GCGR: variants seen among roughly 807,000 people sequenced by gnomAD.
The protein encoded by GCGR is glucagon receptor.
In GCGR, 41 loss-of-function variants were observed where a neutral mutation model predicts 56.1. That is an observed-to-expected ratio of 0.73 (90% confidence interval 0.57 to 0.95). The LOEUF is 0.95. Ranked by LOEUF, GCGR falls within the 40% of genes least tolerant of loss-of-function variation. The pLI, the probability that GCGR is intolerant of heterozygous loss-of-function variation, is 0.00. For synonymous variants in GCGR, 278 were observed against 271.1 expected (o/e 1.03, Z -0.25); for missense variants, 595 against 638.2 (o/e 0.93, Z 0.73).
intron 1 of GCGR, among the ~76,000 whole-genome samples, chr17:81,805,442 G>A (rs910293298): frequency 1.3e-5 from 2 of 152,194 alleles, no homozygotes; most frequent in Non-Finnish European, 2.9e-5. Context: ...GAGGGAGGAA[G>A]GGGGTGGCAT....
Position 81,810,023 on chromosome 17 carries a change from C to A in GCGR, c.163+139C>A. The A allele has an allele frequency of 1.4e-6, 1 of 721,946 alleles. No individual in the cohort carries two copies. The highest frequency in any genetic ancestry group is 2.5e-6 in the Non-Finnish European group (1 of 405,258). The allele number at this position is 721,946 out of a possible 1,614,324, so 44.7% of individuals were successfully genotyped here. A position where few individuals can be genotyped will look rare whatever the true frequency, so the allele number is the denominator to read the frequency against. ...GCCCTGTCATTCCTCAGGCCCCCAC[C>A]ACCGTGGGCAGGTGAGGTAACGAGG... On this transcript the variant is annotated intron_variant, in intron 3 of 13. Transcript: ENST00000400723. This position sits in a 1 kb window ranked among gnomAD's most constrained non-coding sequence, Gnocchi z 4.6.
chr17:81,813,470 C>T lies in GCGR; in HGVS notation c.1219-4C>T. ...GGACTGGCCTGCCCCGTCCCCCTCC[C>T]CAGGTGCAGTCGGAGCTGCGGCGGC... On this transcript the variant is annotated splice_region_variant and splice_polypyrimidine_tract_variant and intron_variant, in intron 13 of 13. Coordinates refer to ENST00000400723, the MANE Select transcript of GCGR (RefSeq NM_000160.5). The surrounding 1 kb of genome is among the most constrained non-coding windows in gnomAD (Gnocchi z 5.3). The T allele has an allele frequency of 6.5e-7, 1 of 1,534,526 alleles. No homozygotes were observed. Among genetic ancestry groups the T allele is most frequent in the East Asian group, 2.4e-5 (1 of 40,904 alleles).
chr17:81,810,023 C>T lies in GCGR; in HGVS notation c.163+139C>T, dbSNP rs574040622. On this transcript the variant is annotated intron_variant, in intron 3 of 13. Coordinates refer to ENST00000400723, the MANE Select transcript of GCGR (RefSeq NM_000160.5). This position sits in a 1 kb window ranked among gnomAD's most constrained non-coding sequence, Gnocchi z 4.6. ...GCCCTGTCATTCCTCAGGCCCCCACCACCGTGGGCAGGTGAGGTAACGAGG... is the reference window on the plus strand; with the variant it reads ...GCCCTGTCATTCCTCAGGCCCCCACTACCGTGGGCAGGTGAGGTAACGAGG... 5.5e-6 allele frequency: 4 copies of T among 721,828 alleles called. No homozygotes were observed. The highest frequency in any genetic ancestry group is 9.9e-6 in the Non-Finnish European group (4 of 405,266). The allele number at this position is 721,828 out of a possible 1,614,324, so 44.7% of individuals were successfully genotyped here.
Position 81,808,896 on chromosome 17 carries a change from G to T in GCGR, c.-123G>T, listed in dbSNP as rs1339977256. ...GGGAGGACACCCCACTGGCCAGGACGCCCCAGGCTCTGCTGCTCTGCCACT... is the reference window on the plus strand; with the variant it reads ...GGGAGGACACCCCACTGGCCAGGACTCCCCAGGCTCTGCTGCTCTGCCACT... On this transcript the variant is annotated 5_prime_UTR_variant, in exon 2 of 14. Coordinates refer to ENST00000400723, the MANE Select transcript of GCGR (RefSeq NM_000160.5). 1 of 1,211,216 alleles carries T rather than the reference G, an allele frequency of 8.3e-7. No individual in the cohort carries two copies. The highest frequency in any genetic ancestry group is 1.3e-5 in the South Asian group (1 of 76,804). The allele number at this position is 1,211,216 out of a possible 1,614,324, so 75.0% of individuals were successfully genotyped here.
rs1049700509 is a variant in GCGR at position 81,812,587 on chromosome 17, T to C, written c.959T>C (p.Phe320Ser). 23 of 1,536,356 alleles carry C rather than the reference T, an allele frequency of 1.5e-5. No individual in the cohort carries two copies. The highest frequency in any genetic ancestry group is 1.9e-5 in the Non-Finnish European group (22 of 1,146,744). Residue 320 changes from phenylalanine to serine, a missense_variant, in exon 11 of 14, where the codon TTC (phenylalanine) becomes TCC (serine). Physicochemically the swap from Phe to Ser is radical, Grantham distance 155 (BLOSUM62 -2). Transcript: ENST00000400723. The surrounding 1 kb of genome is among the most constrained non-coding windows in gnomAD (Gnocchi z 8.5). ...ACCCTTCTCACACAGATCAACTTCT[T>C]CATCTTCGTCCGCATCGTTCAGCTG... ...PVFLAILINF[F>S]IFVRIVQLLV...
chr17:81,809,526 TCTGCCTGTCTGC>T (rs1338775935), intron 2 of GCGR, among the ~76,000 whole-genome samples: 89 of 139,008 alleles, frequency 6.4e-4, no homozygotes, highest in Non-Finnish European at 1.2e-3. Flanking sequence ...TGCCTGCCTG[TCTGCCTGTCTGC>T]CCGTCTGCCT....
At chr17:81,808,565 G>A (rs2038008563) in intron 1 of GCGR, among the ~76,000 whole-genome samples, 1 of 149,736 alleles carries the variant, frequency 6.7e-6, no homozygotes, top group Non-Finnish European at 1.5e-5. Context: ...TGTCACCCAG[G>A]CTGGACTGCA....
intron 1 of GCGR, among the ~76,000 whole-genome samples, chr17:81,805,624 T>C (rs529000914): frequency 1.4e-5 from 2 of 140,478 alleles, no homozygotes; most frequent in African/African-American, 2.7e-5. Flanking sequence ...AACCCTCCCA[T>C]TGGGCACCTC....
intron 2 of GCGR, 25 bp from the exon 3 acceptor site, chr17:81,809,757 G>GTCT (rs757711248): frequency 3.3e-6 from 5 of 1,516,692 alleles, no homozygotes; most frequent in Non-Finnish European, 4.4e-6. Flanking sequence ...CTGTCTGTCT[G>GTCT]GTTGCTTGTG....
Position 81,812,806 on chromosome 17 carries a change from G to A in GCGR, c.1038-1G>A. The A allele has an allele frequency of 6.5e-7, 1 of 1,535,688 alleles. No individual in the cohort carries two copies. Among genetic ancestry groups the A allele is most frequent in the Non-Finnish European group, 8.7e-7 (1 of 1,146,736 alleles). Reference sequence around the variant, plus strand: ...GGGTGACTCAGGCGCTGCCTCTGCAGGCTGGCCAAGTCCACGCTGACCCTC... The same window carrying A: ...GGGTGACTCAGGCGCTGCCTCTGCAAGCTGGCCAAGTCCACGCTGACCCTC... On this transcript the variant is annotated splice_acceptor_variant, in intron 11 of 13. Coordinates refer to ENST00000400723, the MANE Select transcript of GCGR (RefSeq NM_000160.5). LOFTEE classifies it high-confidence loss of function. The surrounding 1 kb of genome is among the most constrained non-coding windows in gnomAD (Gnocchi z 8.5).
chr17:81,811,414 T>C lies in GCGR; in HGVS notation c.511T>C (p.Cys171Arg). ...TGGCTGTGCCCACAGCAAGCTGCAC[T>C]GCACCCGCAATGCCATCCACGCGAA... is the stretch of plus-strand genomic sequence containing the variant. ...AILGGLSKLH[C>R]TRNAIHANLF... is the part of the protein sequence containing the mutation. Residue 171 changes from cysteine (C) to arginine (R), a missense_variant, in exon 7 of 14, where the codon TGC (cysteine) becomes CGC (arginine). Physicochemically the swap from Cys to Arg is radical, Grantham distance 180 (BLOSUM62 -3). Transcript: ENST00000400723. The surrounding 1 kb of genome is among the most constrained non-coding windows in gnomAD (Gnocchi z 5.8). 1 of 1,536,430 alleles carries C rather than the reference T, an allele frequency of 6.5e-7. No homozygotes were observed. Among genetic ancestry groups the C allele is most frequent in the Non-Finnish European group, 8.7e-7 (1 of 1,146,852 alleles).
Position 81,812,205 on chromosome 17 carries a change from A to G in GCGR, c.901A>G (p.Met301Val), listed in dbSNP as rs976661354. ...NVQCWTSNDN[M>V]GFWWILRFPV... Reference sequence around the variant, plus strand: ...CAGGTGCTGGACCAGCAATGACAACATGGGCTTCTGGTGGATCCTGCGGTT... The same window carrying G: ...CAGGTGCTGGACCAGCAATGACAACGTGGGCTTCTGGTGGATCCTGCGGTT... The change falls in exon 10 of 14, where the codon ATG becomes GTG. Residue 301 changes from methionine (M) to valine (V), a missense_variant. Physicochemically the swap from Met to Val is conservative, Grantham distance 21 (BLOSUM62 1). Transcript: ENST00000400723. The surrounding 1 kb of genome is among the most constrained non-coding windows in gnomAD (Gnocchi z 8.5). 1.2e-5 allele frequency: 19 copies of G among 1,536,036 alleles called. No individual in the cohort carries two copies. Among genetic ancestry groups the G allele is most frequent in the Non-Finnish European group, 1.7e-5 (19 of 1,146,780 alleles).
chr17:81,808,938 A>G lies in GCGR; in HGVS notation c.-81A>G. The G allele has an allele frequency of 1.3e-6, 2 of 1,495,732 alleles. No individual in the cohort carries two copies. Among genetic ancestry groups the G allele is most frequent in the Non-Finnish European group, 1.8e-6 (2 of 1,111,472 alleles). The allele number at this position is 1,495,732 out of a possible 1,614,324, so 92.7% of individuals were successfully genotyped here. A position where few individuals can be genotyped will look rare whatever the true frequency, so the allele number is the denominator to read the frequency against. ...TCTGCCACTCAGCTGCCCTCGGAGG[A>G]GCGTACACACCCACCAGGACTGCAT... On this transcript the variant is annotated 5_prime_UTR_variant, in exon 2 of 14. Coordinates refer to ENST00000400723, the MANE Select transcript of GCGR (RefSeq NM_000160.5).
In GCGR at chr17:81,809,087, TCA is replaced by T. The variant is rs1469743890; in HGVS notation, c.60+12_60+13del. 1 of 1,535,664 alleles carries T rather than the reference TCA, an allele frequency of 6.5e-7. No individual in the cohort carries two copies. The highest frequency in any genetic ancestry group is 1.2e-5 in the South Asian group (1 of 83,952). ...TGCTGCTGGCCTGCCAGGTGAGGAC[TCA>T]CAGCACCCTCAGCACCCAGGGGCCC... On this transcript the variant is annotated intron_variant, in intron 2 of 13. Coordinates refer to ENST00000400723, the MANE Select transcript of GCGR (RefSeq NM_000160.5).
chr17:81,810,790 T>G lies in GCGR; in HGVS notation c.164-35T>G. The G allele has an allele frequency of 8.1e-7, 1 of 1,230,432 alleles. No individual in the cohort carries two copies. The highest frequency in any genetic ancestry group is 1.1e-6 in the Non-Finnish European group (1 of 892,018). 76.2% of individuals were successfully genotyped at this position (1,230,432 alleles called of 1,614,324 possible). On this transcript the variant is annotated intron_variant, in intron 3 of 13. Transcript: ENST00000400723. The surrounding 1 kb of genome is among the most constrained non-coding windows in gnomAD (Gnocchi z 4.6). ...GGGAGCCCCTTCTCCCACCCTGCCC[T>G]GCCCTGCTCTGCCCTGCCCTACCCT... is the stretch of plus-strand genomic sequence containing the variant.
At position 81,811,434 on chromosome 17, in the gene GCGR, C is replaced by G; in HGVS notation, c.531C>G (p.His177Gln). The change falls in exon 7 of 14, where the codon CAC (histidine) becomes CAG (glutamine). Residue 177 changes from histidine to glutamine, a missense_variant. Physicochemically the swap from His to Gln is conservative, Grantham distance 24. Coordinates refer to ENST00000400723, the MANE Select transcript of GCGR (RefSeq NM_000160.5). This position sits in a 1 kb window ranked among gnomAD's most constrained non-coding sequence, Gnocchi z 5.8. ...TGCACTGCACCCGCAATGCCATCCA[C>G]GCGAATCTGTTTGCGTCCTTCGTGC... ...SKLHCTRNAI[H>Q]ANLFASFVLK... The G allele has an allele frequency of 6.5e-7, 1 of 1,536,578 alleles. No individual in the cohort carries two copies. Among genetic ancestry groups the G allele is most frequent in the South Asian group, 1.2e-5 (1 of 84,070 alleles).
intron 2 of GCGR, 56 bp from the exon 3 acceptor site, chr17:81,809,726 T>TCTGCCTGC: frequency 1.5e-6 from 2 of 1,300,270 alleles, no homozygotes; most frequent in Admixed American, 2.0e-5. Flanking sequence ...TGTCTGCCTG[T>TCTGCCTGC]CTGTCTGCCT....
rs2038113396 is a variant in GCGR at position 81,812,066 on chromosome 17, C to A, written c.879-117C>A. The A allele has an allele frequency of 4.6e-6, 7 of 1,506,922 alleles. No homozygotes were observed. In the South Asian group the frequency reaches 8.4e-5, roughly 18 times the overall value. 93.3% of individuals were successfully genotyped at this position (1,506,922 alleles called of 1,614,324 possible). On this transcript the variant is annotated intron_variant, in intron 9 of 13. Transcript: ENST00000400723. The surrounding 1 kb of genome is among the most constrained non-coding windows in gnomAD (Gnocchi z 8.5). ...TGCCTGGGGAGGGGGTCATTTGTGA[C>A]CTTCTCCCTTCCTTTTCTGAGACCC...
chr17:81,812,492 C>A lies in GCGR; in HGVS notation c.949-85C>A. On this transcript the variant is annotated intron_variant, in intron 10 of 13. Transcript: ENST00000400723. The surrounding 1 kb of genome is among the most constrained non-coding windows in gnomAD (Gnocchi z 8.5). The stretch of plus-strand genomic sequence containing the variant: ...CCTATCTTGCTGCCAGGCCCACCTG[C>A]AGGAGGGTCAGGTGGGGCCTTCCAA... 7.6e-7 allele frequency: 1 copy of A among 1,319,502 alleles called. No homozygotes were observed. Among genetic ancestry groups the A allele is most frequent in the South Asian group, 1.3e-5 (1 of 74,580 alleles). 81.7% of individuals were successfully genotyped at this position (1,319,502 alleles called of 1,614,324 possible). A position where few individuals can be genotyped will look rare whatever the true frequency, so the allele number is the denominator to read the frequency against.
Sources: allele counts gnomAD v4.1 joint callset (sites outside exome capture counted in the v4.1 genomes callset), GRCh38; gene constraint gnomAD v4.1.1; non-coding constraint Gnocchi (gnomAD v3.1); transcripts MANE v1.5; gene names NCBI Gene and HGNC (gene_info 2026-07-23, HGNC 2026-07-21).